Variants in ADGRA3 observed in about 807,000 individuals in gnomAD.
ADGRA3 encodes G-protein coupled receptor 125.
Under a neutral mutation model 119.8 loss-of-function variants are expected in ADGRA3, and 56 were observed. The ratio of observed to expected loss-of-function variants is 0.47; its 90% CI spans 0.38 to 0.58. The LOEUF is 0.58. Ranked by LOEUF, ADGRA3 falls within the 20% of genes least tolerant of loss-of-function variation. ADGRA3 has a pLI of 0.00. For missense variants in ADGRA3, 1,516 were observed against 1,649.0 expected, an observed-to-expected ratio of 0.92 and a Z score of 1.40; for synonymous variants, 607 against 623.8, an observed-to-expected ratio of 0.97 and a Z score of 0.40.
At chr4:22,447,041 G>C (rs1292426641) in intron 5 of ADGRA3, among the ~76,000 whole-genome samples, 4 of 151,702 alleles carry the variant, frequency 2.6e-5, no homozygotes, top group African/African-American at 7.3e-5. Context: ...TTTAAGTGGG[G>C]GGGGGGGTTT....
In ADGRA3 at chr4:22,435,401, T is replaced by G. The variant is rs1347306275; in HGVS notation, c.1353A>C (p.Ala451=). 6.2e-7 allele frequency: 1 copy of G among 1,613,784 alleles called. No homozygotes were observed. ...ARQLLAYTVE[A]ANFSDKMDVI... is the part of the protein sequence containing the mutation. ...CATCCATTTTGTCAGAAAAGTTGGCTGCTTCCACAGTGTAAGCCAGTAACT... is the reference window on the plus strand; with the variant it reads ...CATCCATTTTGTCAGAAAAGTTGGCGGCTTCCACAGTGTAAGCCAGTAACT... Residue 451 remains alanine (A), a synonymous_variant, in exon 10 of 19, where the codon GCA becomes GCC. Coordinates refer to ENST00000334304, the MANE Select transcript of ADGRA3 (RefSeq NM_145290.4).
intron 1 of ADGRA3, among the ~76,000 whole-genome samples, chr4:22,494,188 G>C (rs1038925129): frequency 1.3e-5 from 2 of 149,684 alleles, no homozygotes; most frequent in African/African-American, 5.0e-5. Context: ...CTGGGCGACA[G>C]AGCAAGACTC....
intron 2 of ADGRA3, among the ~76,000 whole-genome samples, chr4:22,470,213 C>T (rs1717809518): frequency 6.6e-6 from 1 of 151,454 alleles, no homozygotes; most frequent in Admixed American, 6.6e-5. Flanking sequence ...ATAAAGCAAA[C>T]TATGTTCAAA....
At chr4:22,398,572 T>C (rs946041095) in intron 16 of ADGRA3, among the ~76,000 whole-genome samples, 7 of 152,162 alleles carry the variant, frequency 4.6e-5, no homozygotes, top group African/African-American at 7.2e-5. Flanking sequence ...TTGCTTTCTC[T>C]TTTATAGTTT....
At chr4:22,454,149 C>T (rs916964021) in intron 4 of ADGRA3, among the ~76,000 whole-genome samples, 2 of 152,192 alleles carry the variant, frequency 1.3e-5, no homozygotes, top group African/African-American at 4.8e-5. Flanking sequence ...GCGTGAGCCA[C>T]TGTTCCTAGC....
intron 10 of ADGRA3, among the ~76,000 whole-genome samples, chr4:22,430,552 C>T (rs930408104): frequency 4.6e-5 from 7 of 152,030 alleles, no homozygotes; most frequent in Admixed American, 4.6e-4. Flanking sequence ...AATTTCTAAG[C>T]AGCAAAGCAT....
chr4:22,447,053 C>T (rs1319988369), intron 5 of ADGRA3, among the ~76,000 whole-genome samples: 1 of 151,196 alleles, frequency 6.6e-6, no homozygotes, highest in Non-Finnish European at 1.5e-5. Flanking sequence ...GGGGGGTTTA[C>T]AGGATAAAAT....
rs775674951 is a variant in ADGRA3, at chr4:22,389,071, G to T, written c.2723+17C>A. 12 of 1,609,484 alleles carry T rather than the reference G, an allele frequency of 7.5e-6. No homozygotes were observed. The highest frequency in any genetic ancestry group is 9.4e-6 in the Non-Finnish European group (11 of 1,176,430). On this transcript the variant is annotated intron_variant, in intron 18 of 18. Coordinates refer to ENST00000334304, the MANE Select transcript of ADGRA3 (RefSeq NM_145290.4). ...GAAACAACTGGGTCAAGTACACAGA[G>T]AATATAAAATACTCACTAGGGTGCG... is the stretch of plus-strand genomic sequence containing the variant.
chr4:22,500,632 C>G (rs1270955632), intron 1 of ADGRA3, among the ~76,000 whole-genome samples: 1 of 152,074 alleles, frequency 6.6e-6, no homozygotes, highest in Non-Finnish European at 1.5e-5. Flanking sequence ...TTTAAAAAAG[C>G]AAGACAATAA....
At chr4:22,493,705 G>A (rs1284907596) in intron 1 of ADGRA3, among the ~76,000 whole-genome samples, 3 of 152,152 alleles carry the variant, frequency 2.0e-5, no homozygotes, top group African/African-American at 4.8e-5. Flanking sequence ...TCAGAGGCAC[G>A]TGAACCAGAG....
chr4:22,458,621 C>CTGA (rs1308384940), intron 3 of ADGRA3, among the ~76,000 whole-genome samples: 1 of 152,104 alleles, frequency 6.6e-6, no homozygotes, highest in Non-Finnish European at 1.5e-5. Context: ...ACACCGATCA[C>CTGA]CACCTTATCA....
chr4:22,509,514 A>G (rs1470053253), intron 1 of ADGRA3, among the ~76,000 whole-genome samples: 3 of 151,520 alleles, frequency 2.0e-5, no homozygotes, highest in Non-Finnish European at 4.4e-5. Context: ...AAAAAAAAGA[A>G]AAGAAAAGAA....
rs1413284630 is a variant in ADGRA3 at position 22,388,441 on chromosome 4, G to C, written c.3230C>G (p.Pro1077Arg). 4 of 1,613,896 alleles carry C rather than the reference G, an allele frequency of 2.5e-6. No homozygotes were observed. The highest frequency in any genetic ancestry group is 3.4e-6 in the Non-Finnish European group (4 of 1,179,988). ...CTCTCCATTCGTCCCATTAGAGTTG[G>C]GGGGCTGGACGTTGACTTGCACTGA... is the stretch of plus-strand genomic sequence containing the variant. ...SYSVQVNVQP[P>R]NSNGTNGEAP... is the part of the protein sequence containing the mutation. Residue 1077 changes from proline to arginine, a missense_variant, in exon 19 of 19, where the codon CCC becomes CGC. Physicochemically the swap from Pro to Arg is moderately radical, Grantham distance 103. This residue lies in a region of ADGRA3 where 1,088 missense variants were observed against 1,107.1 expected (regional missense o/e 0.98). Transcript: ENST00000334304.
intron 1 of ADGRA3, among the ~76,000 whole-genome samples, chr4:22,479,573 T>G (rs1419208606): frequency 6.6e-6 from 1 of 152,162 alleles, no homozygotes; most frequent in Non-Finnish European, 1.5e-5. Context: ...TCAACCATTG[T>G]AGAAGACAGC....
chr4:22,486,894 AAT>A (rs1718449240), intron 1 of ADGRA3, among the ~76,000 whole-genome samples: 1 of 152,162 alleles, frequency 6.6e-6, no homozygotes. Context: ...GGCTTGTGTA[AAT>A]ATATATGAGA....
intron 10 of ADGRA3, among the ~76,000 whole-genome samples, chr4:22,425,053 CA>C (rs1715875203): frequency 7.0e-6 from 1 of 142,914 alleles, no homozygotes; most frequent in Non-Finnish European, 1.5e-5. Flanking sequence ...CTAGCCTGGA[CA>C]ACAGAGTGAG....
At chr4:22,390,860 CTTAAGG>C (rs1183237080) in intron 17 of ADGRA3, among the ~76,000 whole-genome samples, 1 of 152,148 alleles carries the variant, frequency 6.6e-6, no homozygotes, top group Non-Finnish European at 1.5e-5. Context: ...TGAACAGCTG[CTTAAGG>C]TTAAGATTCC....
At position 22,388,790 on chromosome 4, in the gene ADGRA3, T is replaced by G; in HGVS notation, c.2881A>C (p.Arg961=). Residue 961 remains arginine (R), a synonymous_variant, in exon 19 of 19, where the codon AGA becomes CGA. Transcript: ENST00000334304. ...TCGCCATTTTCATTGGCTGCCAATC[T>G]CTGTTGCTCCTCCGTGGGCTCCTTA... ...ELKEPTEEQQ[R]LAANENGEIN... 1 of 1,614,110 alleles carries G rather than the reference T, an allele frequency of 6.2e-7. No homozygotes were observed. The highest frequency in any genetic ancestry group is 8.5e-7 in the Non-Finnish European group (1 of 1,180,000).
chr4:22,423,875 A>T (rs1715813994), intron 11 of ADGRA3, among the ~76,000 whole-genome samples: 2 of 152,242 alleles, frequency 1.3e-5, no homozygotes, highest in Non-Finnish European at 2.9e-5. Flanking sequence ...ATGGTGATAA[A>T]CATTCAAATT....
Sources: allele counts gnomAD v4.1 joint callset (sites outside exome capture counted in the v4.1 genomes callset), GRCh38; gene constraint gnomAD v4.1.1; regional missense constraint gnomAD v4.1.1; transcripts MANE v1.5; gene names NCBI Gene and HGNC (gene_info 2026-07-23, HGNC 2026-07-21).